DAB2: variants seen among roughly 807,000 people sequenced by gnomAD.
DAB2 encodes the protein DAB adaptor protein 2.
DAB2 carries 28 observed loss-of-function variants against 71.6 expected under a neutral mutation model. That is an observed-to-expected ratio of 0.39 (90% CI 0.29 to 0.54). The LOEUF is 0.54. Among genes scored for constraint, DAB2 ranks in the 20% least tolerant of loss-of-function variants. The pLI is 0.68. For synonymous variants in DAB2, 345 were observed against 339.7 expected, an observed-to-expected ratio of 1.02 and a Z score of -0.17; for missense variants, 867 against 928.8, an observed-to-expected ratio of 0.93 and a Z score of 0.86.
intron 14 of DAB2, among the ~76,000 whole-genome samples, chr5:39,374,464 A>G (rs1352373689): frequency 6.6e-6 from 1 of 152,202 alleles, no homozygotes; most frequent in Non-Finnish European, 1.5e-5. Context: ...ACTCATTTTG[A>G]GCTCCTACTG....
chr5:39,375,231 G>C, intron 13 of DAB2, 147 bp from the exon 14 acceptor site: 1 of 591,372 alleles, frequency 1.7e-6, no homozygotes, highest in Non-Finnish European at 3.0e-6. Context: ...ACAGTGTTTT[G>C]TTTTCATCTG....
chr5:39,394,417 G>T lies in DAB2; in HGVS notation c.-97C>A. The T allele has an allele frequency of 1.1e-6, 1 of 896,124 alleles. No individual in the cohort carries two copies. Among genetic ancestry groups the T allele is most frequent in the South Asian group, 1.4e-5 (1 of 74,060 alleles). The allele number at this position is 896,124 out of a possible 1,614,324, so 55.5% of individuals were successfully genotyped here. A position where few individuals can be genotyped will look rare whatever the true frequency, so the allele number is the denominator to read the frequency against. On this transcript the variant is annotated 5_prime_UTR_variant, in exon 2 of 15. In the 5' UTR this introduces an upstream ATG that the reference lacks. Coordinates refer to ENST00000320816, the MANE Select transcript of DAB2 (RefSeq NM_001343.4). ...TCTCAAATAAACATAACCTCCCACAGACACCTGTAGGCAGAGTTTAGAGGC... is the reference window on the plus strand; with the variant it reads ...TCTCAAATAAACATAACCTCCCACATACACCTGTAGGCAGAGTTTAGAGGC...
chr5:39,376,492 G>C (rs1354271900), intron 12 of DAB2, among the ~76,000 whole-genome samples, 158 bp downstream of exon 12: 1 of 152,122 alleles, frequency 6.6e-6, no homozygotes, highest in Non-Finnish European at 1.5e-5. Flanking sequence ...ATCACCAAAA[G>C]GTAAATGGTT....
At chr5:39,396,263 T>G (rs913205176) in intron 1 of DAB2, among the ~76,000 whole-genome samples, 3 of 152,174 alleles carry the variant, frequency 2.0e-5, no homozygotes, top group Admixed American at 1.3e-4. Flanking sequence ...GAACCAGGTT[T>G]GTAACCCAGA....
In DAB2 at chr5:39,417,246, T is replaced by C. The variant is rs138230539; in HGVS notation, c.-102+7558A>G. The C allele has an allele frequency of 1.0e-3, 155 of 152,008 alleles. 1 individual carries two copies. Among genetic ancestry groups the C allele is most frequent in the African/African-American group, 3.7e-3 (152 of 41,432 alleles). 9.4% of individuals were successfully genotyped at this position (152,008 alleles called of 1,614,324 possible). A position where few individuals can be genotyped will look rare whatever the true frequency, so the allele number is the denominator to read the frequency against. On this transcript the variant is annotated intron_variant, in intron 1 of 14. Transcript: ENST00000320816. ...AACCACCATGGCACATGTATACCTA[T>C]GTAACAAAACTGCATGTTCTCCACA...
At chr5:39,397,302 T>C (rs2112071390) in intron 1 of DAB2, among the ~76,000 whole-genome samples, 1 of 152,308 alleles carries the variant, frequency 6.6e-6, no homozygotes, top group African/African-American at 2.4e-5. Context: ...GGGACTCCAG[T>C]ACTAGCTAAG....
In DAB2 at chr5:39,383,064, G is replaced by A. The variant is rs779478292; in HGVS notation, c.895C>T (p.Pro299Ser). Reference sequence around the variant, plus strand: ...GTCGATTGGTCTGGCTGTGTGAAAGGATCGTCACGGAAAGGATCAGGATTA... The same window carrying A: ...GTCGATTGGTCTGGCTGTGTGAAAGAATCGTCACGGAAAGGATCAGGATTA... ...TPNPDPFRDDPFTQPDQSTPS... is the reference protein window; with the variant it reads ...TPNPDPFRDDSFTQPDQSTPS... The change falls in exon 10 of 15, where the codon CCT (proline) becomes TCT (serine). Residue 299 changes from proline (P) to serine (S), a missense_variant. Pro to Ser is a moderately conservative substitution (Grantham distance 74). This residue lies in a region of DAB2 where 740 missense variants were observed against 734.3 expected (regional missense o/e 1.01). Coordinates refer to ENST00000320816, the MANE Select transcript of DAB2 (RefSeq NM_001343.4). 1 of 1,614,112 alleles carries A rather than the reference G, an allele frequency of 6.2e-7. No homozygotes were observed. The highest frequency in any genetic ancestry group is 8.5e-7 in the Non-Finnish European group (1 of 1,180,012).
intron 11 of DAB2, among the ~76,000 whole-genome samples, chr5:39,380,954 C>T (rs887099443): frequency 1.3e-5 from 2 of 152,156 alleles, no homozygotes; most frequent in Non-Finnish European, 2.9e-5. Context: ...CACAGCTGGG[C>T]CCAGAACCTA....
intron 1 of DAB2, among the ~76,000 whole-genome samples, chr5:39,419,264 C>G (rs556188390): frequency 1.3e-5 from 2 of 152,272 alleles, no homozygotes; most frequent in African/African-American, 4.8e-5. Context: ...ATGAGGAAGA[C>G]TTTTGTTTTG....
At chr5:39,417,476 G>A (rs920885745) in intron 1 of DAB2, 2 of 152,016 alleles carry the variant, frequency 1.3e-5, no homozygotes, top group Non-Finnish European at 2.9e-5. Flanking sequence ...ATTTGCATAT[G>A]CGCTGCTGCC....
intron 11 of DAB2, among the ~76,000 whole-genome samples, chr5:39,377,690 G>A (rs1033366694): frequency 2.0e-5 from 3 of 152,188 alleles, no homozygotes; most frequent in Admixed American, 1.3e-4. Flanking sequence ...CATGAACCAT[G>A]CTGATTATGA....
chr5:39,400,413 T>A (rs1460087190), intron 1 of DAB2, among the ~76,000 whole-genome samples: 2 of 152,100 alleles, frequency 1.3e-5, no homozygotes, highest in Non-Finnish European at 2.9e-5. Flanking sequence ...TTTGTATTTT[T>A]AGTAGAGACA....
intron 1 of DAB2, among the ~76,000 whole-genome samples, chr5:39,420,240 T>C (rs1755948685): frequency 6.6e-6 from 1 of 152,250 alleles, no homozygotes; most frequent in Non-Finnish European, 1.5e-5. Flanking sequence ...AACTTGTGTA[T>C]GGCAGCTCAT....
At chr5:39,409,339 C>T (rs376909572) in intron 1 of DAB2, among the ~76,000 whole-genome samples, 1 of 152,088 alleles carries the variant, frequency 6.6e-6, no homozygotes, top group South Asian at 2.1e-4. Context: ...TGACAGTATT[C>T]TACTTTATAC....
intron 9 of DAB2, chr5:39,385,497 T>C (rs1307550208): frequency 6.6e-6 from 1 of 152,178 alleles, no homozygotes. Context: ...AAAGTGTAGT[T>C]CACAGACTAC....
chr5:39,386,467 T>A (rs1398839297), intron 9 of DAB2, among the ~76,000 whole-genome samples: 1 of 152,208 alleles, frequency 6.6e-6, no homozygotes, highest in African/African-American at 2.4e-5. Flanking sequence ...AGTCAATAGA[T>A]AAGAACATGT....
Position 39,376,886 on chromosome 5 carries a change from C to T in DAB2, c.1901G>A (p.Ser634Asn), listed in dbSNP as rs3733801. The T allele has an allele frequency of 0.12, 198,192 of 1,614,008 alleles. 13,205 individuals are homozygous for T. The highest frequency in any genetic ancestry group is 0.22 in the South Asian group (19,707 of 91,072). Reference sequence around the variant, plus strand: ...TGGGTCTAAGGCAGTGAAGGCATCACTGGAGATGTCCTTGGGAGGGCCAGC... The same window carrying T: ...TGGGTCTAAGGCAGTGAAGGCATCATTGGAGATGTCCTTGGGAGGGCCAGC... ...PRAGPPKDISSDAFTALDPLG... is the reference protein window; with the variant it reads ...PRAGPPKDISNDAFTALDPLG... The change falls in exon 12 of 15, where the codon AGT becomes AAT. Residue 634 changes from serine (S) to asparagine (N), a missense_variant. This residue lies in a region of DAB2 where 740 missense variants were observed against 734.3 expected (regional missense o/e 1.01). Transcript: ENST00000320816.
At position 39,377,292 on chromosome 5, in the gene DAB2, G is replaced by A; in HGVS notation, c.1505-10C>T. 2 of 1,600,412 alleles carry A rather than the reference G, an allele frequency of 1.2e-6. No individual in the cohort carries two copies. The highest frequency in any genetic ancestry group is 1.1e-5 in the South Asian group (1 of 89,100). On this transcript the variant is annotated splice_polypyrimidine_tract_variant and intron_variant, in intron 11 of 14. Transcript: ENST00000320816. ...GTGACAGTTACACCACCTGAAGTAA[G>A]AGGAAGAAAAATACTTATCAGGAGT...
chr5:39,393,579 A>T lies in DAB2; in HGVS notation c.92-186T>A, dbSNP rs141718765. Among the ~76,000 whole-genome samples the T allele has an allele frequency of 1.2e-4, 18 of 152,258 alleles. No individual in the cohort carries two copies. In the East Asian group the frequency reaches 3.3e-3, roughly 28 times the overall value. Reference sequence around the variant, plus strand: ...AATCATGTTCCACAATCAACTGTGTATGGAGTTGAGGTGGGGAGAAAATAA... The same window carrying T: ...AATCATGTTCCACAATCAACTGTGTTTGGAGTTGAGGTGGGGAGAAAATAA... On this transcript the variant is annotated intron_variant, in intron 2 of 14. Transcript: ENST00000320816.
Sources: allele counts gnomAD v4.1 joint callset (sites outside exome capture counted in the v4.1 genomes callset), GRCh38; gene constraint gnomAD v4.1.1; regional missense constraint gnomAD v4.1.1; transcripts MANE v1.5; gene names NCBI Gene and HGNC (gene_info 2026-07-23, HGNC 2026-07-21).